The following MUC5B variants were observed in gnomAD, a reference collection of about 807,000 sequenced individuals.
The protein encoded by MUC5B is mucin-5B.
MUC5B carries 116 observed loss-of-function variants against 376.9 expected under a neutral mutation model. The observed-to-expected ratio is 0.31, with a 90% CI of 0.26 to 0.36. The LOEUF (loss-of-function observed/expected upper bound fraction) is 0.36, where lower values mean the gene tolerates loss of function less well. Ranked by LOEUF, MUC5B falls within the 10% of genes least tolerant of loss-of-function variation. The probability of loss-of-function intolerance (pLI) is 1.00; values close to 1 mark genes in which losing one functional copy is unlikely to be tolerated. For synonymous variants in MUC5B, 3,517 were observed against 3,390.9 expected (o/e 1.04, Z -1.29); for missense variants, 7,165 against 7,769.9 (o/e 0.92, Z 2.93).
chr11:1,233,358 G>A (rs1862078725), intron 18 of MUC5B, 90 bp downstream of exon 18: 2 of 1,387,624 alleles, frequency 1.4e-6, no homozygotes, highest in Admixed American at 5.5e-5. Context: ...CCCCCCGAGG[G>A]TTCTGAGACA....
Position 1,253,121 on chromosome 11 carries a change from T to G in MUC5B, c.15217+141T>G. 5 of 779,252 alleles carry G rather than the reference T, an allele frequency of 6.4e-6. No individual in the cohort carries two copies. Among genetic ancestry groups the G allele is most frequent in the African/African-American group, 2.0e-5 (1 of 51,150 alleles). 48.3% of individuals were successfully genotyped at this position (779,252 alleles called of 1,614,324 possible). On this transcript the variant is annotated intron_variant, in intron 33 of 48. Coordinates refer to ENST00000529681, the MANE Select transcript of MUC5B (RefSeq NM_002458.3). This position sits in a 1 kb window ranked among gnomAD's most constrained non-coding sequence, Gnocchi z 4.3. ...TGGGGCATGGTGGGGCATGGTGGGG[T>G]GCAGTGGGGCATGGTGGGGCATGGT... is the stretch of plus-strand genomic sequence containing the variant.
In MUC5B at chr11:1,248,187, C is replaced by A; in HGVS notation, c.11307C>A (p.Pro3769=). The A allele has an allele frequency of 6.3e-7, 1 of 1,594,524 alleles. No individual in the cohort carries two copies. Residue 3769 remains proline (P), a synonymous_variant, in exon 31 of 49, where the codon CCC becomes CCA. Transcript: ENST00000529681. ...CAGTCACCAGCTCCAAAGCCACTCCCTTCTCCAGTCCAGGGACTGCAACCG... is the reference window on the plus strand; with the variant it reads ...CAGTCACCAGCTCCAAAGCCACTCCATTCTCCAGTCCAGGGACTGCAACCG... The part of the protein sequence containing the change: ...TPTVTSSKAT[P]FSSPGTATAL...
At position 1,223,134 on chromosome 11, in the gene MUC5B, C is replaced by T. The variant is rs760804632; in HGVS notation, c.11C>T (p.Pro4Leu). MGA[P>L]SACRTLVLAL... Reference sequence around the variant, plus strand: ...GTGCCAGCCCCCAGGATGGGTGCCCCGAGCGCGTGCCGGACGCTGGTGTTG... The same window carrying T: ...GTGCCAGCCCCCAGGATGGGTGCCCTGAGCGCGTGCCGGACGCTGGTGTTG... Residue 4 changes from proline to leucine, a missense_variant, in exon 1 of 49, where the codon CCG becomes CTG. Pro to Leu is a moderately conservative substitution (Grantham distance 98). Coordinates refer to ENST00000529681, the MANE Select transcript of MUC5B (RefSeq NM_002458.3). 4.3e-6 allele frequency: 3 copies of T among 705,388 alleles called. No homozygotes were observed. Among genetic ancestry groups the T allele is most frequent in the South Asian group, 1.5e-5 (1 of 67,408 alleles). The allele number at this position is 705,388 out of a possible 1,614,324, so 43.7% of individuals were successfully genotyped here.
At chr11:1,233,608 T>C (rs1862084587) in intron 18 of MUC5B, among the ~76,000 whole-genome samples, 185 bp from the exon 19 acceptor site, 1 of 151,986 alleles carries the variant, frequency 6.6e-6, no homozygotes, top group Admixed American at 6.5e-5. Context: ...CCCCTGTGTG[T>C]ATTTACCCAT....
rs1862369791 is a variant in MUC5B, at chr11:1,243,836, C to T, written c.6956C>T (p.Ala2319Val). 2.5e-6 allele frequency: 4 copies of T among 1,611,324 alleles called. No individual in the cohort carries two copies. The highest frequency in any genetic ancestry group is 1.3e-5 in the African/African-American group (1 of 74,732). ...VVTMGCEPQC[A>V]WSEWLDYSYP... is the part of the protein sequence containing the mutation. Reference sequence around the variant, plus strand: ...ACCATGGGCTGTGAGCCCCAGTGTGCCTGGTCAGAGTGGCTGGACTACAGC... The same window carrying T: ...ACCATGGGCTGTGAGCCCCAGTGTGTCTGGTCAGAGTGGCTGGACTACAGC... The change falls in exon 31 of 49, where the codon GCC becomes GTC. Residue 2319 changes from alanine (A) to valine (V), a missense_variant. Coordinates refer to ENST00000529681, the MANE Select transcript of MUC5B (RefSeq NM_002458.3).
rs567376399 is a variant in MUC5B, at chr11:1,247,440, G to A, written c.10560G>A (p.Glu3520=). Residue 3520 remains glutamate, a synonymous_variant, in exon 31 of 49, where the codon GAG becomes GAA. Transcript: ENST00000529681. ...CTCACCCTAGCAGCAGGACCACCGA[G>A]TCACCCCCTTCTCCAGGGACGACCA... ...SSPHPSSRTT[E]SPPSPGTTTP... 1.2e-4 allele frequency: 200 copies of A among 1,609,326 alleles called. 6 individuals carry two copies. The South Asian group carries it at 2.0e-3, about 16-fold the overall frequency.
At chr11:1,227,259 T>C in intron 5 of MUC5B, 49 bp from the exon 6 acceptor site, 1 of 1,578,808 alleles carries the variant, frequency 6.3e-7, no homozygotes. Context: ...ATGTTGCCAG[T>C]GTGGGGATCA....
chr11:1,223,255 C>T (rs773738350), intron 1 of MUC5B, 62 bp downstream of exon 1: 27 of 701,856 alleles, frequency 3.8e-5, no homozygotes, highest in Non-Finnish European at 6.5e-5. Context: ...CTCTGCAGGT[C>T]GCTTGCCTGG....
intron 1 of MUC5B, among the ~76,000 whole-genome samples, chr11:1,223,685 C>T (rs750711086): frequency 2.0e-5 from 3 of 152,182 alleles, no homozygotes; most frequent in Non-Finnish European, 4.4e-5. Flanking sequence ...CACAGCCAGC[C>T]GCAAGAGCCC....
rs113910334 is a variant in MUC5B at position 1,258,484 on chromosome 11, G to A, written c.16593+117G>A. ...ACATTCCTGCCCTGAGGGCCGATCC[G>A]CACAGGGGCCCTGGACACGTCAGAG... On this transcript the variant is annotated intron_variant, in intron 43 of 48. Coordinates refer to ENST00000529681, the MANE Select transcript of MUC5B (RefSeq NM_002458.3). The surrounding 1 kb of genome is among the most constrained non-coding windows in gnomAD (Gnocchi z 5.5). 2,972 of 1,236,578 alleles carry A rather than the reference G, an allele frequency of 2.4e-3. 8 individuals carry two copies. Among genetic ancestry groups the A allele is most frequent in the Non-Finnish European group, 2.8e-3 (2,460 of 889,778 alleles). The allele number at this position is 1,236,578 out of a possible 1,614,324, so 76.6% of individuals were successfully genotyped here. A position where few individuals can be genotyped will look rare whatever the true frequency, so the allele number is the denominator to read the frequency against.
intron 15 of MUC5B, 70 bp from the exon 16 acceptor site, chr11:1,232,380 C>A: frequency 6.7e-7 from 1 of 1,495,846 alleles, no homozygotes; most frequent in South Asian, 1.2e-5. Context: ...CTGAGGGGGT[C>A]GCAGGCCTGC....
At chr11:1,227,006 G>C in intron 4 of MUC5B, 25 bp from the exon 5 acceptor site, 2 of 1,594,148 alleles carry the variant, frequency 1.3e-6, no homozygotes, top group Non-Finnish European at 1.7e-6. Context: ...GCGGGGCCCA[G>C]GGAGAGACCC....
chr11:1,225,496 C>A (rs558604462), intron 1 of MUC5B, among the ~76,000 whole-genome samples, 185 bp from the exon 2 acceptor site: 1 of 152,292 alleles, frequency 6.6e-6, no homozygotes, highest in Non-Finnish European at 1.5e-5. Flanking sequence ...GTGGCCTGAG[C>A]GGCTGGGGAG....
At chr11:1,260,280 C>T (rs778566418) in intron 46 of MUC5B, 71 bp from the exon 47 acceptor site, 200 of 1,529,666 alleles carry the variant, frequency 1.3e-4, no homozygotes, top group Non-Finnish European at 1.7e-4. Context: ...GGGTGGGCCC[C>T]TCCCCAGGAG....
intron 15 of MUC5B, 27 bp downstream of exon 15, chr11:1,232,187 C>G (rs1862043494): frequency 6.4e-7 from 1 of 1,562,690 alleles, no homozygotes; most frequent in African/African-American, 1.4e-5. Flanking sequence ...CCCCCACAGT[C>G]ACCCCAGGCT....
At chr11:1,259,429 G>A (rs1862940759) in intron 44 of MUC5B, 2 of 503,474 alleles carry the variant, frequency 4.0e-6, no homozygotes, top group Non-Finnish European at 7.2e-6. Context: ...CTCAGCCATT[G>A]CTGGGGTCTT....
chr11:1,238,102 G>T (rs1862195264), intron 25 of MUC5B, among the ~76,000 whole-genome samples: 1 of 152,194 alleles, frequency 6.6e-6, no homozygotes, highest in South Asian at 2.1e-4. Context: ...GCCTGACAAA[G>T]CTGAGCCCAG....
Position 1,255,226 on chromosome 11 carries a change from C to G in MUC5B, c.15850C>G (p.Pro5284Ala), listed in dbSNP as rs372236987. ...APVSSTPTPTPCPPQPLCDLM... is the reference protein window; with the variant it reads ...APVSSTPTPTACPPQPLCDLM... ...GGTGTCTAGCACACCCACCCCCACC[C>G]CATGCCCACCACAGCCGCTCTGTGA... The change falls in exon 36 of 49, where the codon CCA (proline) becomes GCA (alanine). Residue 5284 changes from proline (P) to alanine (A), a missense_variant. This residue lies in a region of MUC5B where 842 missense variants were observed against 1,016.9 expected (regional missense o/e 0.83). Transcript: ENST00000529681. 16 of 1,537,554 alleles carry G rather than the reference C, an allele frequency of 1.0e-5. No individual in the cohort carries two copies. In the African/African-American group the frequency reaches 2.1e-4, roughly 20 times the overall value.
intron 23 of MUC5B, 110 bp downstream of exon 23, chr11:1,235,523 G>A: frequency 3.2e-6 from 3 of 930,354 alleles, no homozygotes; most frequent in Non-Finnish European, 5.0e-6. Context: ...GCAGTGTCCT[G>A]GCCCCGGGCT....
Sources: allele counts gnomAD v4.1 joint callset (sites outside exome capture counted in the v4.1 genomes callset), GRCh38; gene constraint gnomAD v4.1.1; regional missense constraint gnomAD v4.1.1; non-coding constraint Gnocchi (gnomAD v3.1); transcripts MANE v1.5; gene names NCBI Gene and HGNC (gene_info 2026-07-23, HGNC 2026-07-21).